OR1J2: variants seen among roughly 807,000 people sequenced by gnomAD.
OR1J2 encodes the protein olfactory receptor 1J2.
For synonymous variants in OR1J2, 142 were observed against 99.7 expected (o/e 1.42, Z -2.52); for missense variants, 304 against 246.1 (o/e 1.24, Z -1.57).
the OR1J2 span, among the ~76,000 whole-genome samples, chr9:122,540,907 GCTCT>G: frequency 1.3e-5 from 2 of 152,014 alleles, no homozygotes; most frequent in Non-Finnish European, 2.9e-5. Flanking sequence ...TCATGATTTG[GCTCT>G]CTGTTTGTCT....
At chr9:122,562,123 T>C in the OR1J2 span, among the ~76,000 whole-genome samples, 1 of 152,220 alleles carries the variant, frequency 6.6e-6, no homozygotes, top group Admixed American at 6.5e-5. Flanking sequence ...GGCTGCAGTC[T>C]GCCACAGCCG....
the OR1J2 span, among the ~76,000 whole-genome samples, chr9:122,548,529 G>A: frequency 6.6e-6 from 1 of 151,838 alleles, no homozygotes; most frequent in Admixed American, 6.6e-5. Flanking sequence ...TTAGGAGATG[G>A]TTATATGTTT....
chr9:122,518,204 C>T, the OR1J2 span, among the ~76,000 whole-genome samples: 2,070 of 152,308 alleles, frequency 0.014, 59 homozygotes, highest in African/African-American at 0.047. Context: ...GTGGAGGAAG[C>T]TGGCATATTT....
chr9:122,483,929 G>C, the OR1J2 span, among the ~76,000 whole-genome samples: 1 of 152,068 alleles, frequency 6.6e-6, no homozygotes, highest in African/African-American at 2.4e-5. Context: ...TAGCAGAAAG[G>C]TCAGACAGGA....
chr9:122,533,479 G>A, the OR1J2 span, among the ~76,000 whole-genome samples: 2 of 152,064 alleles, frequency 1.3e-5, no homozygotes, highest in African/African-American at 2.4e-5. Context: ...TTACACTTGT[G>A]GGTTAAGGTG....
At chr9:122,566,232 T>C in the OR1J2 span, among the ~76,000 whole-genome samples, 722 of 152,362 alleles carry the variant, frequency 4.7e-3, 8 homozygotes, top group African/African-American at 0.016. Context: ...AGAAAGTTTT[T>C]CTTCAACTGG....
the OR1J2 span, among the ~76,000 whole-genome samples, chr9:122,496,347 G>T: frequency 6.6e-6 from 1 of 152,128 alleles, no homozygotes; most frequent in Non-Finnish European, 1.5e-5. Context: ...AGACCACCAG[G>T]TGGGGGCAGG....
the OR1J2 span, among the ~76,000 whole-genome samples, chr9:122,484,861 T>G: frequency 6.8e-6 from 1 of 147,918 alleles, no homozygotes; most frequent in Admixed American, 6.8e-5. Flanking sequence ...GGTGAGACCC[T>G]GTGTCTACCA....
chr9:122,526,237 C>T, the OR1J2 span: 2 of 491,340 alleles, frequency 4.1e-6, no homozygotes, highest in Non-Finnish European at 7.0e-6. Flanking sequence ...AAAACCAAGG[C>T]TCAGAGAGGC....
chr9:122,479,838 G>T, the OR1J2 span, among the ~76,000 whole-genome samples: 1 of 152,016 alleles, frequency 6.6e-6, no homozygotes, highest in Non-Finnish European at 1.5e-5. Context: ...TAAATTTGTT[G>T]ATCAAATAAA....
At chr9:122,567,709 A>C in the OR1J2 span, 1 of 1,614,078 alleles carries the variant, frequency 6.2e-7, no homozygotes, top group Non-Finnish European at 8.5e-7. Context: ...TAGACACAGA[A>C]GATGCTTCCA....
the OR1J2 span, among the ~76,000 whole-genome samples, chr9:122,492,828 TA>T: frequency 6.6e-6 from 1 of 152,190 alleles, no homozygotes; most frequent in Non-Finnish European, 1.5e-5. Flanking sequence ...CCCTTCAGTA[TA>T]ATGTTGGCTG....
chr9:122,545,227 TA>T, the OR1J2 span, among the ~76,000 whole-genome samples: 13,787 of 152,172 alleles, frequency 0.091, 915 homozygotes, highest in East Asian at 0.33. Flanking sequence ...TATTAACATT[TA>T]TTTTATGGCC....
downstream of OR1J2, among the ~76,000 whole-genome samples, chr9:122,513,266 G>A (rs185183914): frequency 1.3e-3 from 196 of 152,334 alleles, 3 homozygotes; most frequent in Admixed American, 9.3e-3. Flanking sequence ...TAATTACTAT[G>A]TAAGCAGTAA....
At chr9:122,522,887 G>C in the OR1J2 span, among the ~76,000 whole-genome samples, 1 of 152,136 alleles carries the variant, frequency 6.6e-6, no homozygotes, top group African/African-American at 2.4e-5. Flanking sequence ...ATAACACCAC[G>C]AATAGTTGTG....
the OR1J2 span, among the ~76,000 whole-genome samples, chr9:122,482,240 A>G: frequency 6.6e-6 from 1 of 152,220 alleles, no homozygotes; most frequent in Non-Finnish European, 1.5e-5. Flanking sequence ...AAAAGAAGAC[A>G]TACAAATGGC....
chr9:122,526,525 A>G, the OR1J2 span: 6 of 1,602,324 alleles, frequency 3.7e-6, no homozygotes, highest in African/African-American at 6.7e-5. Context: ...GGACACAGGT[A>G]GGCACTGAAG....
chr9:122,492,077 G>C, the OR1J2 span, among the ~76,000 whole-genome samples: 1 of 152,094 alleles, frequency 6.6e-6, no homozygotes, highest in Non-Finnish European at 1.5e-5. Context: ...ATAATGCTGA[G>C]GTTTGGGGTA....
the OR1J2 span, among the ~76,000 whole-genome samples, chr9:122,456,262 G>T: frequency 1.3e-5 from 2 of 152,098 alleles, no homozygotes; most frequent in Non-Finnish European, 2.9e-5. Flanking sequence ...CTATGTGCGC[G>T]CTCAGGAATA....
Sources: gnomAD v4.1 joint callset for allele counts (sites outside exome capture counted in the v4.1 genomes callset) on GRCh38, gnomAD v4.1.1 for gene constraint, MANE v1.5 for transcripts, NCBI Gene and HGNC (gene_info 2026-07-23, HGNC 2026-07-21) for gene names.